KCNT2: variants seen among roughly 807,000 people sequenced by gnomAD.
KCNT2 encodes potassium sodium-activated channel subfamily T member 2, also known as potassium channel subfamily T member 2.
In KCNT2, 67 loss-of-function variants were observed where a neutral mutation model predicts 153.8. The ratio of observed to expected loss-of-function variants is 0.44; its 90% confidence interval spans 0.36 to 0.53. The LOEUF (loss-of-function observed/expected upper bound fraction) is 0.53. Ranked by LOEUF, KCNT2 falls within the 20% of genes least tolerant of loss-of-function variation. The probability of loss-of-function intolerance (pLI) is 0.00; values close to 1 mark genes in which losing one functional copy is unlikely to be tolerated. For missense variants in KCNT2, 975 were observed against 1,354.8 expected (o/e 0.72, Z 4.40); for synonymous variants, 500 against 458.8 (o/e 1.09, Z -1.15).
rs563865499 is a variant in KCNT2, at chr1:196,526,252, G to A, written c.96-33911C>T. 1.0e-3 allele frequency among the ~76,000 whole-genome samples: 152 copies of A among 151,130 alleles called. 1 individual carries two copies. Among genetic ancestry groups the A allele is most frequent in the Middle Eastern group, 3.5e-3 (1 of 284 alleles). ...TTCATGTATAATTTATATATGCTAT[G>A]ATATATATAAACATACATACAATTT... On this transcript the variant is annotated intron_variant, in intron 1 of 27. Coordinates refer to ENST00000294725, the MANE Select transcript of KCNT2 (RefSeq NM_198503.5).
chr1:196,324,097 C>T (rs1239214921), intron 19 of KCNT2, among the ~76,000 whole-genome samples: 2 of 151,642 alleles, frequency 1.3e-5, no homozygotes, highest in Non-Finnish European at 2.9e-5. Context: ...TCGGGAAGTA[C>T]ACAGAAAGCT....
At chr1:196,271,578 G>A (rs571235797) in intron 25 of KCNT2, among the ~76,000 whole-genome samples, 1 of 152,036 alleles carries the variant, frequency 6.6e-6, no homozygotes, top group African/African-American at 2.4e-5. Context: ...ATGCTTTCCT[G>A]GGTTTGAGAA....
rs916314331 is a variant in KCNT2 at position 196,334,157 on chromosome 1, A to C, written c.1784-97T>G. On this transcript the variant is annotated intron_variant, in intron 16 of 27. Coordinates refer to ENST00000294725, the MANE Select transcript of KCNT2 (RefSeq NM_198503.5). ...AATATGAAATATAATAAACACAATA[A>C]ATATATATATAGAGAGAGTATATAT... is the stretch of plus-strand genomic sequence containing the variant. 1.9e-5 allele frequency: 13 copies of C among 686,826 alleles called. No homozygotes were observed. In the Admixed American group the frequency reaches 2.8e-4, roughly 15 times the overall value. 42.5% of individuals were successfully genotyped at this position (686,826 alleles called of 1,614,324 possible). A position where few individuals can be genotyped will look rare whatever the true frequency, so the allele number is the denominator to read the frequency against.
At chr1:196,295,796 G>A (rs573487124) in intron 22 of KCNT2, among the ~76,000 whole-genome samples, 2 of 152,034 alleles carry the variant, frequency 1.3e-5, no homozygotes, top group East Asian at 3.9e-4. Flanking sequence ...CAAGAGATTA[G>A]TTTTAAGTTA....
chr1:196,339,211 C>CA (rs1209822831), intron 16 of KCNT2, among the ~76,000 whole-genome samples: 1 of 151,520 alleles, frequency 6.6e-6, no homozygotes, highest in Non-Finnish European at 1.5e-5. Context: ...GTGCACAAAG[C>CA]AGAAAAAAAG....
intron 21 of KCNT2, among the ~76,000 whole-genome samples, chr1:196,314,574 A>T (rs1662519949): frequency 6.6e-6 from 1 of 151,702 alleles, no homozygotes; most frequent in East Asian, 1.9e-4. Flanking sequence ...ATGCAAATTC[A>T]GTGTAGATTT....
chr1:196,478,257 C>T lies in KCNT2; in HGVS notation c.384+922G>A, dbSNP rs562233571. 3.3e-5 allele frequency among the ~76,000 whole-genome samples: 5 copies of T among 152,300 alleles called. No homozygotes were observed. The East Asian group carries it at 9.7e-4, about 29-fold the overall frequency. The stretch of plus-strand genomic sequence containing the variant: ...AAAATCTTACTGTCAGTTTTCCTTT[C>T]ATACTGCAACACATCTTAACTGAGC... On this transcript the variant is annotated intron_variant, in intron 5 of 27. Transcript: ENST00000294725.
chr1:196,487,257 T>C (rs1380265760), intron 3 of KCNT2, among the ~76,000 whole-genome samples: 3 of 152,008 alleles, frequency 2.0e-5, no homozygotes, highest in Non-Finnish European at 4.4e-5. Context: ...GTGATGTTTG[T>C]CATTTGTTGG....
chr1:196,437,976 T>C (rs971185249), intron 8 of KCNT2, among the ~76,000 whole-genome samples: 1 of 151,444 alleles, frequency 6.6e-6, no homozygotes, highest in Non-Finnish European at 1.5e-5. Context: ...ATATCATAAA[T>C]TAATAAATAT....
chr1:196,420,373 TTTTG>T (rs1209126772), intron 12 of KCNT2, among the ~76,000 whole-genome samples: 1 of 151,868 alleles, frequency 6.6e-6, no homozygotes, highest in Non-Finnish European at 1.5e-5. Flanking sequence ...TGTGTATGGT[TTTTG>T]TTTGTTTGTT....
chr1:196,281,349 T>C (rs1269574262), intron 24 of KCNT2, among the ~76,000 whole-genome samples: 1 of 152,176 alleles, frequency 6.6e-6, no homozygotes, highest in Non-Finnish European at 1.5e-5. Flanking sequence ...AGAGCACTGG[T>C]AATTGACTGG....
chr1:196,391,871 T>G (rs548578620), intron 13 of KCNT2, among the ~76,000 whole-genome samples: 4 of 151,338 alleles, frequency 2.6e-5, no homozygotes, highest in Non-Finnish European at 4.4e-5. Context: ...TGCATAAAAA[T>G]TTTTACAAAG....
chr1:196,300,379 A>T (rs1661071727), intron 22 of KCNT2, among the ~76,000 whole-genome samples: 1 of 152,318 alleles, frequency 6.6e-6, no homozygotes, highest in African/African-American at 2.4e-5. Context: ...ACTCCAAAAT[A>T]TGTCAGCTTG....
chr1:196,243,269 T>A (rs1373780587), intron 26 of KCNT2, among the ~76,000 whole-genome samples: 1 of 152,156 alleles, frequency 6.6e-6, no homozygotes. Flanking sequence ...TAAGAAGTGT[T>A]TTTCCACAGA....
intron 22 of KCNT2, among the ~76,000 whole-genome samples, chr1:196,297,384 CAT>C (rs1209156517): frequency 1.3e-5 from 2 of 152,204 alleles, no homozygotes; most frequent in African/African-American, 4.8e-5. Context: ...ACAATAGACA[CAT>C]ATGCAGCAGC....
At chr1:196,250,123 C>T (rs964783458) in intron 26 of KCNT2, among the ~76,000 whole-genome samples, 1 of 151,888 alleles carries the variant, frequency 6.6e-6, no homozygotes, top group Non-Finnish European at 1.5e-5. Flanking sequence ...TATGGTACCA[C>T]AAAGACCCAG....
At chr1:196,253,300 T>A (rs528121124) in intron 26 of KCNT2, among the ~76,000 whole-genome samples, 15 of 151,468 alleles carry the variant, frequency 9.9e-5, no homozygotes, top group Non-Finnish European at 7.4e-5. Flanking sequence ...TATGGCTTTA[T>A]GTACATTGAT....
At chr1:196,313,629 T>C (rs1362744513) in intron 21 of KCNT2, among the ~76,000 whole-genome samples, 1 of 151,570 alleles carries the variant, frequency 6.6e-6, no homozygotes, top group East Asian at 1.9e-4. Flanking sequence ...CATGTAAAAC[T>C]AGCCTAGCTT....
chr1:196,568,598 A>AC (rs1660396330), intron 1 of KCNT2, among the ~76,000 whole-genome samples: 1 of 149,732 alleles, frequency 6.7e-6, no homozygotes, highest in Non-Finnish European at 1.5e-5. Flanking sequence ...TCCGTCTCAA[A>AC]AAAAAAAAAA....
Sources: gnomAD v4.1 joint callset for allele counts (sites outside exome capture counted in the v4.1 genomes callset) on GRCh38, gnomAD v4.1.1 for gene constraint, MANE v1.5 for transcripts, NCBI Gene and HGNC (gene_info 2026-07-23, HGNC 2026-07-21) for gene names.